GPC5: variants seen among roughly 807,000 people sequenced by gnomAD.
GPC5 encodes the protein glypican 5, also known as glypican-5.
In GPC5, 47 loss-of-function variants were observed where a neutral mutation model predicts 53.9. The observed-to-expected ratio is 0.87, with a 90% CI of 0.69 to 1.11. GPC5 has a LOEUF of 1.11. Among genes scored for constraint, GPC5 ranks in the 50% most tolerant of loss-of-function variants. The pLI is 0.00. For synonymous variants in GPC5, 286 were observed against 263.3 expected (o/e 1.09, Z -0.84); for missense variants, 748 against 713.1 (o/e 1.05, Z -0.56).
chr13:92,049,319 C>A (rs541858689), intron 6 of GPC5, among the ~76,000 whole-genome samples: 1 of 152,230 alleles, frequency 6.6e-6, no homozygotes, highest in East Asian at 1.9e-4. Flanking sequence ...TAGTACATAT[C>A]ACTATCTGAC....
At chr13:91,885,781 T>A (rs2039315339) in intron 5 of GPC5, among the ~76,000 whole-genome samples, 1 of 152,246 alleles carries the variant, frequency 6.6e-6, no homozygotes, top group Non-Finnish European at 1.5e-5. Context: ...GCCTCTTTTG[T>A]CATTGTAGCC....
At chr13:91,605,349 T>C (rs2033328178) in intron 2 of GPC5, among the ~76,000 whole-genome samples, 1 of 143,386 alleles carries the variant, frequency 7.0e-6, no homozygotes, top group African/African-American at 2.6e-5. Context: ...CTGTTTTGGT[T>C]ACTGTAGCCT....
At chr13:92,575,926 G>A (rs922264147) in intron 7 of GPC5, among the ~76,000 whole-genome samples, 1 of 152,038 alleles carries the variant, frequency 6.6e-6, no homozygotes. Flanking sequence ...TATGCATTCC[G>A]CAGATGCAAT....
chr13:92,658,208 T>A (rs11842192), intron 7 of GPC5, among the ~76,000 whole-genome samples: 36,064 of 152,078 alleles, frequency 0.24, 4,960 homozygotes, highest in South Asian at 0.39. Context: ...TCCACCATCA[T>A]ACATGAGATA....
At chr13:92,537,835 A>T (rs1431036949) in intron 7 of GPC5, among the ~76,000 whole-genome samples, 1 of 152,084 alleles carries the variant, frequency 6.6e-6, no homozygotes, top group Non-Finnish European at 1.5e-5. Flanking sequence ...AAATCCAATC[A>T]ATTATAAAGA....
intron 7 of GPC5, among the ~76,000 whole-genome samples, chr13:92,306,733 C>T (rs140895422): frequency 6.6e-6 from 1 of 152,276 alleles, no homozygotes; most frequent in Non-Finnish European, 1.5e-5. Flanking sequence ...TCCTGGAACT[C>T]TTTCATTAGC....
At chr13:92,004,455 A>T (rs2040585074) in intron 6 of GPC5, among the ~76,000 whole-genome samples, 1 of 26,196 alleles carries the variant, frequency 3.8e-5, no homozygotes, top group East Asian at 6.8e-4. Context: ...AAAAAAAAAA[A>T]AATTATATAT....
intron 7 of GPC5, among the ~76,000 whole-genome samples, chr13:92,324,931 T>C (rs898765330): frequency 6.6e-5 from 10 of 152,026 alleles, no homozygotes; most frequent in South Asian, 2.1e-4. Flanking sequence ...TAATATTCTA[T>C]AAAACAAATC....
chr13:92,840,078 C>CAT (rs4001881), intron 7 of GPC5, among the ~76,000 whole-genome samples: 1,027 of 98,208 alleles, frequency 0.01, 7 homozygotes, highest in Non-Finnish European at 0.014. Flanking sequence ...TATATACATA[C>CAT]ATATATATAT....
chr13:91,401,502 A>G (rs2138740783), intron 1 of GPC5, among the ~76,000 whole-genome samples: 1 of 152,356 alleles, frequency 6.6e-6, no homozygotes, highest in South Asian at 2.1e-4. Context: ...ACAAATAGTA[A>G]TATCTTTTAA....
chr13:92,747,427 GT>G (rs1176505284), intron 7 of GPC5, among the ~76,000 whole-genome samples: 1 of 152,146 alleles, frequency 6.6e-6, no homozygotes, highest in African/African-American at 2.4e-5. Context: ...GTTATATTTA[GT>G]TTTATCTTGT....
chr13:91,722,189 G>T (rs190905739), intron 3 of GPC5, among the ~76,000 whole-genome samples: 294 of 152,316 alleles, frequency 1.9e-3, no homozygotes, highest in Non-Finnish European at 3.2e-3. Context: ...GGAAATAATT[G>T]AAATCCTTGG....
At chr13:91,638,030 G>A (rs530837532) in intron 2 of GPC5, among the ~76,000 whole-genome samples, 6 of 152,300 alleles carry the variant, frequency 3.9e-5, no homozygotes, top group African/African-American at 1.2e-4. Context: ...CAGGCAGAGA[G>A]AAAAAGGAAG....
At chr13:91,661,358 T>G (rs557668324) in intron 2 of GPC5, among the ~76,000 whole-genome samples, 76 of 152,354 alleles carry the variant, frequency 5.0e-4, no homozygotes, top group African/African-American at 1.8e-3. Context: ...CTGGGAATTT[T>G]CAGGCCCTCA....
intron 6 of GPC5, among the ~76,000 whole-genome samples, chr13:92,024,749 A>G (rs2040787236): frequency 6.6e-6 from 1 of 152,160 alleles, no homozygotes. Context: ...GGTGCTTTTT[A>G]TTCCCCTCTT....
chr13:91,952,709 G>T (rs1296392043), intron 6 of GPC5, among the ~76,000 whole-genome samples: 1 of 151,864 alleles, frequency 6.6e-6, no homozygotes, highest in Non-Finnish European at 1.5e-5. Context: ...CAAAGGAGAG[G>T]CCTATTATTT....
chr13:91,942,439 T>C (rs2039935821), intron 6 of GPC5, among the ~76,000 whole-genome samples: 1 of 152,112 alleles, frequency 6.6e-6, no homozygotes, highest in African/African-American at 2.4e-5. Flanking sequence ...AGGTCTTATA[T>C]CAAACCTTTC....
chr13:92,311,174 T>C (rs972050222), intron 7 of GPC5, among the ~76,000 whole-genome samples: 1 of 152,180 alleles, frequency 6.6e-6, no homozygotes, highest in Non-Finnish European at 1.5e-5. Flanking sequence ...AAAATATTAA[T>C]TGAGGTAATG....
intron 6 of GPC5, among the ~76,000 whole-genome samples, chr13:92,067,100 A>C (rs2041173569): frequency 6.6e-6 from 1 of 152,078 alleles, no homozygotes; most frequent in Non-Finnish European, 1.5e-5. Flanking sequence ...ATGAGAACAA[A>C]GTCTTTCTTG....
Sources: allele counts gnomAD v4.1 joint callset (sites outside exome capture counted in the v4.1 genomes callset), GRCh38; gene constraint gnomAD v4.1.1; transcripts MANE v1.5; gene names NCBI Gene and HGNC (gene_info 2026-07-23, HGNC 2026-07-21).